RIN2: variants seen among roughly 807,000 people sequenced by gnomAD.
The protein encoded by RIN2 is RAB5 interacting protein 2.
In RIN2, 36 loss-of-function variants were observed where a neutral mutation model predicts 78.0. The observed-to-expected ratio is 0.46, with a 90% CI of 0.35 to 0.61. RIN2 has a LOEUF of 0.61. Ranked by LOEUF, RIN2 falls within the 20% of genes least tolerant of loss-of-function variation. The pLI is 0.00. For synonymous variants in RIN2, 466 were observed against 466.8 expected, an observed-to-expected ratio of 1.00 and a Z score of 0.02; for missense variants, 1,087 against 1,159.7, an observed-to-expected ratio of 0.94 and a Z score of 0.91.
chr20:19,868,946 G>A (rs1397111609), intron 2 of RIN2, among the ~76,000 whole-genome samples: 1 of 152,074 alleles, frequency 6.6e-6, no homozygotes, highest in Non-Finnish European at 1.5e-5. Context: ...GCTGGGTGTG[G>A]TGGCATGTGC....
intron 4 of RIN2, among the ~76,000 whole-genome samples, chr20:19,937,646 T>C (rs1457850157): frequency 1.3e-5 from 2 of 152,250 alleles, no homozygotes; most frequent in Admixed American, 1.3e-4. Flanking sequence ...GGACTCCTTC[T>C]CTGAATAATC....
intron 2 of RIN2, among the ~76,000 whole-genome samples, chr20:19,848,370 T>C (rs2036850727): frequency 6.6e-6 from 1 of 151,732 alleles, no homozygotes; most frequent in African/African-American, 2.4e-5. Context: ...CCGTCTTTAC[T>C]AAAAACACAC....
intron 3 of RIN2, among the ~76,000 whole-genome samples, chr20:19,918,915 C>A (rs2039795177): frequency 6.6e-6 from 1 of 152,180 alleles, no homozygotes; most frequent in African/African-American, 2.4e-5. Context: ...GTAAGAACAG[C>A]CTTTGGTGGC....
chr20:19,766,140 C>T (rs547767636), intron 1 of RIN2, among the ~76,000 whole-genome samples: 1 of 152,274 alleles, frequency 6.6e-6, no homozygotes, highest in East Asian at 1.9e-4. Context: ...ATGGATGGGG[C>T]ACCCACCCAT....
At chr20:19,865,876 A>G (rs2123319839) in intron 2 of RIN2, among the ~76,000 whole-genome samples, 1 of 152,290 alleles carries the variant, frequency 6.6e-6, no homozygotes, top group Middle Eastern at 3.4e-3. Flanking sequence ...TTGCATACAT[A>G]TAATAGAAGT....
chr20:19,837,172 ACACACACACAC>A (rs1568799230), intron 2 of RIN2, among the ~76,000 whole-genome samples: 18 of 33,642 alleles, frequency 5.4e-4, no homozygotes, highest in African/African-American at 1.3e-3. Flanking sequence ...CCCCCCCAAC[ACACACACACAC>A]ACACACACAC....
At chr20:19,987,264 A>G (rs2042650636) in intron 9 of RIN2, among the ~76,000 whole-genome samples, 1 of 152,194 alleles carries the variant, frequency 6.6e-6, no homozygotes, top group Non-Finnish European at 1.5e-5. Flanking sequence ...TAACATTACT[A>G]TGGACATTCA....
At chr20:19,853,794 A>G (rs1169666625) in intron 2 of RIN2, among the ~76,000 whole-genome samples, 7 of 152,006 alleles carry the variant, frequency 4.6e-5, no homozygotes, top group African/African-American at 1.5e-4. Context: ...TTGTCAGATG[A>G]GTAGATTGCA....
intron 3 of RIN2, among the ~76,000 whole-genome samples, chr20:19,900,308 A>T (rs1380140656): frequency 6.6e-6 from 1 of 151,780 alleles, no homozygotes; most frequent in Admixed American, 6.6e-5. Flanking sequence ...ACATGGTGAA[A>T]CCCTGACTCT....
At chr20:19,846,365 G>T (rs1291573550) in intron 2 of RIN2, among the ~76,000 whole-genome samples, 2 of 152,174 alleles carry the variant, frequency 1.3e-5, no homozygotes, top group Non-Finnish European at 2.9e-5. Context: ...CATGAGCATG[G>T]AATGTTTTTC....
At position 19,925,204 on chromosome 20, in the gene RIN2, A is replaced by G. The variant is rs568062959; in HGVS notation, c.58-9895A>G. ...GTATAGTGCTTAACAGGCTGGGGGA[A>G]CCCAGCTCTGGCCATGTTGTAGTTG... On this transcript the variant is annotated intron_variant, in intron 3 of 12. Coordinates refer to ENST00000255006, the MANE Select transcript of RIN2 (RefSeq NM_018993.4). Among the ~76,000 whole-genome samples the G allele has an allele frequency of 5.3e-5, 8 of 152,130 alleles. No homozygotes were observed. In the East Asian group the frequency reaches 1.4e-3, roughly 26 times the overall value.
intron 4 of RIN2, 21 bp downstream of exon 4, chr20:19,935,220 G>A: frequency 6.4e-7 from 1 of 1,572,574 alleles, no homozygotes; most frequent in South Asian, 1.2e-5. Context: ...ACACGGTTAG[G>A]TGATGGGTGC....
intron 3 of RIN2, among the ~76,000 whole-genome samples, chr20:19,891,044 C>T (rs1209344710): frequency 1.3e-5 from 2 of 152,166 alleles, no homozygotes; most frequent in African/African-American, 4.8e-5. Flanking sequence ...GTAGACATTT[C>T]CTGCAACAAA....
At chr20:19,949,322 G>C (rs2041221955) in intron 4 of RIN2, among the ~76,000 whole-genome samples, 1 of 152,146 alleles carries the variant, frequency 6.6e-6, no homozygotes, top group South Asian at 2.1e-4. Context: ...GCTTAGTGAA[G>C]GTGTGGTTTT....
At chr20:19,814,159 T>C (rs918465751) in intron 2 of RIN2, among the ~76,000 whole-genome samples, 1 of 152,246 alleles carries the variant, frequency 6.6e-6, no homozygotes, top group African/African-American at 2.4e-5. Context: ...AATGTGTGTT[T>C]ACGAGGTCAC....
chr20:19,773,853 T>C (rs1399019955), intron 1 of RIN2, among the ~76,000 whole-genome samples: 1 of 151,460 alleles, frequency 6.6e-6, no homozygotes, highest in Non-Finnish European at 1.5e-5. Context: ...AATCACATCA[T>C]GGATTGTGAT....
chr20:19,975,192 G>T lies in RIN2; in HGVS notation c.1167G>T (p.Glu389Asp). 9 of 1,602,980 alleles carry T rather than the reference G, an allele frequency of 5.6e-6. No individual in the cohort carries two copies. Among genetic ancestry groups the T allele is most frequent in the Non-Finnish European group, 7.7e-6 (9 of 1,174,938 alleles). ...GGCCGGGCGCAGGCCCGGAGCTGGA[G>T]CTGGGCACAGCTGGCAGCCCAGGTG... ...GGRPGAGPEL[E>D]LGTAGSPGGA... The change falls in exon 9 of 13, where the codon GAG becomes GAT. Residue 389 changes from glutamate (E) to aspartate (D), a missense_variant. Physicochemically the swap from Glu to Asp is conservative, Grantham distance 45. Around this residue, in one of 8 missense-constraint regions of RIN2, gnomAD observed 706 missense variants for 667.5 expected, o/e 1.06. Coordinates refer to ENST00000255006, the MANE Select transcript of RIN2 (RefSeq NM_018993.4). This position sits in a 1 kb window ranked among gnomAD's most constrained non-coding sequence, Gnocchi z 4.9.
chr20:19,976,012 G>A (rs1022446264), intron 9 of RIN2, among the ~76,000 whole-genome samples: 5 of 152,158 alleles, frequency 3.3e-5, no homozygotes, highest in African/African-American at 1.2e-4. Context: ...CAGTGATTCT[G>A]TTCAGGGATG....
chr20:19,823,079 C>T (rs942295305), intron 2 of RIN2, among the ~76,000 whole-genome samples: 1 of 151,434 alleles, frequency 6.6e-6, no homozygotes, highest in Non-Finnish European at 1.5e-5. Context: ...GCCCATTTTA[C>T]AGATGAGGAA....
Sources: gnomAD v4.1 joint callset for allele counts (sites outside exome capture counted in the v4.1 genomes callset) on GRCh38, gnomAD v4.1.1 for gene constraint, gnomAD v4.1.1 regional missense constraint, Gnocchi (gnomAD v3.1) non-coding constraint, MANE v1.5 for transcripts, NCBI Gene and HGNC (gene_info 2026-07-23, HGNC 2026-07-21) for gene names.